The following ANO3 variants were observed in gnomAD, a reference collection of about 807,000 sequenced individuals.
The protein encoded by ANO3 is anoctamin-3.
ANO3 carries 99 observed loss-of-function variants against 144.8 expected under a neutral mutation model. That is an observed-to-expected ratio of 0.68 (90% confidence interval 0.58 to 0.81). The LOEUF is 0.81. Ranked by LOEUF, ANO3 falls within the 30% of genes least tolerant of loss-of-function variation. The probability of loss-of-function intolerance (pLI) is 0.00; values close to 1 mark genes in which losing one functional copy is unlikely to be tolerated. For synonymous variants in ANO3, 414 were observed against 392.6 expected (o/e 1.05, Z -0.64); for missense variants, 905 against 1,202.2 (o/e 0.75, Z 3.66).
chr11:26,363,536 C>T (rs1052622722), intron 1 of ANO3, among the ~76,000 whole-genome samples: 2 of 152,046 alleles, frequency 1.3e-5, no homozygotes, highest in African/African-American at 4.8e-5. Context: ...ACCAGTCATG[C>T]TGGATTAGGG....
chr11:26,485,333 A>T lies in ANO3; in HGVS notation c.432+22185A>T, dbSNP rs143469500. Among the ~76,000 whole-genome samples the T allele has an allele frequency of 2.3e-4, 35 of 152,166 alleles. No individual in the cohort carries two copies. In the East Asian group the frequency reaches 6.8e-3, roughly 29 times the overall value. On this transcript the variant is annotated intron_variant, in intron 4 of 26. Transcript: ENST00000256737. The stretch of plus-strand genomic sequence containing the variant: ...GGCAGACTTCTCCCTTGCTGTTTTC[A>T]TGTTAATGAGTAAGTTCACAGAAGG...
At chr11:26,249,395 G>A (rs1320896501) in intron 1 of ANO3, among the ~76,000 whole-genome samples, 4 of 152,192 alleles carry the variant, frequency 2.6e-5, no homozygotes, top group Non-Finnish European at 4.4e-5. Flanking sequence ...GAAAGGGATA[G>A]AGTGATATTT....
intron 6 of ANO3, among the ~76,000 whole-genome samples, chr11:26,523,400 A>G (rs1378215260): frequency 1.3e-5 from 2 of 152,218 alleles, no homozygotes; most frequent in African/African-American, 4.8e-5. Context: ...TAGTTCTGCA[A>G]CTTGGCGCAA....
At chr11:26,469,946 G>A (rs1367638084) in intron 4 of ANO3, among the ~76,000 whole-genome samples, 4 of 151,802 alleles carry the variant, frequency 2.6e-5, no homozygotes, top group Non-Finnish European at 5.9e-5. Flanking sequence ...AGGTTTTGTT[G>A]TACTTTTAAA....
At chr11:26,205,178 A>G (rs1851772722) in intron 1 of ANO3, among the ~76,000 whole-genome samples, 2 of 152,150 alleles carry the variant, frequency 1.3e-5, no homozygotes, top group Admixed American at 1.3e-4. Context: ...CCTGCCCTTA[A>G]CAAGTGGGAA....
At chr11:26,495,253 C>A (rs1386424030) in intron 4 of ANO3, among the ~76,000 whole-genome samples, 1 of 148,130 alleles carries the variant, frequency 6.8e-6, no homozygotes, top group African/African-American at 2.5e-5. Context: ...TACAGACGTG[C>A]CACCACGGCT....
chr11:26,558,103 G>A (rs1181617163), intron 13 of ANO3, among the ~76,000 whole-genome samples: 2 of 151,996 alleles, frequency 1.3e-5, no homozygotes, highest in East Asian at 3.9e-4. Flanking sequence ...TAAATTTATT[G>A]ACTTAAAATG....
intron 1 of ANO3, among the ~76,000 whole-genome samples, chr11:26,410,186 G>C (rs1857394204): frequency 6.6e-6 from 1 of 151,920 alleles, no homozygotes; most frequent in Admixed American, 6.6e-5. Flanking sequence ...TAGGTTCCAA[G>C]TATCGTAGTG....
At chr11:26,567,280 C>T (rs893752561) in intron 14 of ANO3, 4 of 479,654 alleles carry the variant, frequency 8.3e-6, no homozygotes, top group African/African-American at 8.0e-5. Context: ...AATCTGAGTA[C>T]TGATTTCATG....
At chr11:26,362,403 C>T (rs1453750580) in intron 1 of ANO3, among the ~76,000 whole-genome samples, 1 of 152,086 alleles carries the variant, frequency 6.6e-6, no homozygotes, top group Non-Finnish European at 1.5e-5. Flanking sequence ...GACTCTAAAA[C>T]AGATATACAT....
chr11:26,555,048 A>G (rs1850045662), intron 13 of ANO3, among the ~76,000 whole-genome samples: 1 of 152,202 alleles, frequency 6.6e-6, no homozygotes. Flanking sequence ...TCCTTACTAC[A>G]AGAACATAAC....
chr11:26,294,274 T>C (rs1854035797), intron 1 of ANO3, among the ~76,000 whole-genome samples: 2 of 152,198 alleles, frequency 1.3e-5, no homozygotes, highest in South Asian at 4.1e-4. Context: ...TAGAGAGCCA[T>C]TGAGCTATTC....
At chr11:26,343,213 G>A (rs1186192758) in intron 1 of ANO3, among the ~76,000 whole-genome samples, 1 of 152,096 alleles carries the variant, frequency 6.6e-6, no homozygotes. Context: ...CACATAAAAT[G>A]AGATCATGCA....
At chr11:26,659,611 T>C (rs922112181) in intron 26 of ANO3, among the ~76,000 whole-genome samples, 2 of 151,988 alleles carry the variant, frequency 1.3e-5, no homozygotes, top group Non-Finnish European at 2.9e-5. Context: ...GCAGGAGGAT[T>C]GCTTAAGCCC....
intron 1 of ANO3, among the ~76,000 whole-genome samples, chr11:26,215,817 C>T (rs61448692): frequency 0.3 from 45,630 of 151,506 alleles, 7,545 homozygotes; most frequent in Non-Finnish European, 0.37. Flanking sequence ...AGATAGATCA[C>T]TACAGCCTCC....
intron 21 of ANO3, among the ~76,000 whole-genome samples, chr11:26,641,663 G>A (rs1188926398): frequency 6.6e-6 from 1 of 152,028 alleles, no homozygotes; most frequent in African/African-American, 2.4e-5. Flanking sequence ...GAAGGCTGGG[G>A]CCTACTCTCC....
chr11:26,522,296 A>T (rs73430288), intron 6 of ANO3, among the ~76,000 whole-genome samples: 5,584 of 152,236 alleles, frequency 0.037, 191 homozygotes, highest in African/African-American at 0.09. Context: ...ATAATATGAA[A>T]TATAAAATCT....
chr11:26,398,466 C>T (rs1197361771), intron 1 of ANO3, among the ~76,000 whole-genome samples: 2 of 151,988 alleles, frequency 1.3e-5, no homozygotes, highest in African/African-American at 2.4e-5. Context: ...TGAACCAAAG[C>T]AATTTTAACC....
At chr11:26,240,247 G>T (rs1220263721) in intron 1 of ANO3, among the ~76,000 whole-genome samples, 4 of 152,106 alleles carry the variant, frequency 2.6e-5, no homozygotes, top group African/African-American at 9.7e-5. Flanking sequence ...AGTGACTATA[G>T]TTTTCATCCT....
Sources: allele counts gnomAD v4.1 joint callset (sites outside exome capture counted in the v4.1 genomes callset), GRCh38; gene constraint gnomAD v4.1.1; transcripts MANE v1.5; gene names NCBI Gene and HGNC (gene_info 2026-07-23, HGNC 2026-07-21).